Variants in RAG1 observed in about 807,000 individuals in gnomAD.
RAG1 encodes recombination activating 1.
Under a neutral mutation model 62.7 loss-of-function variants are expected in RAG1, and 35 were observed. The ratio of observed to expected loss-of-function variants is 0.56; its 90% CI spans 0.43 to 0.74. The LOEUF (loss-of-function observed/expected upper bound fraction) is 0.74. Ranked by LOEUF, RAG1 falls within the 30% of genes least tolerant of loss-of-function variation. The pLI is 0.00. For missense variants in RAG1, 1,169 were observed against 1,278.6 expected (o/e 0.91, Z 1.31); for synonymous variants, 461 against 470.3 (o/e 0.98, Z 0.26).
chr11:36,521,222 G>A (rs1860075178), intron 2 of RAG1, among the ~76,000 whole-genome samples: 1 of 152,082 alleles, frequency 6.6e-6, no homozygotes, highest in South Asian at 2.1e-4. Context: ...GCCTCCCAAA[G>A]TGCTGGGATT....
intron 2 of RAG1, among the ~76,000 whole-genome samples, chr11:36,522,255 C>T (rs914256963): frequency 2.6e-5 from 4 of 152,180 alleles, no homozygotes; most frequent in African/African-American, 7.2e-5. Flanking sequence ...TTTGTGGTCC[C>T]GGCCCAGGGC....
chr11:36,560,377 C>T (rs536182332), intron 3 of RAG1, among the ~76,000 whole-genome samples: 1 of 152,218 alleles, frequency 6.6e-6, no homozygotes, highest in Admixed American at 6.5e-5. Flanking sequence ...TCTTGGGGTG[C>T]AGGGCACTGT....
intron 3 of RAG1, among the ~76,000 whole-genome samples, chr11:36,558,135 A>T (rs992247444): frequency 6.6e-6 from 1 of 152,176 alleles, no homozygotes; most frequent in East Asian, 1.9e-4. Context: ...GTCAGAAAAG[A>T]TACTTGATAT....
intron 1 of RAG1, among the ~76,000 whole-genome samples, chr11:36,571,092 G>C (rs1458130724): frequency 2.6e-5 from 4 of 152,132 alleles, no homozygotes; most frequent in Non-Finnish European, 5.9e-5. Flanking sequence ...AATGTAGTTT[G>C]GTAGATTTTG....
intron 2 of RAG1, among the ~76,000 whole-genome samples, chr11:36,529,597 C>T (rs1211256977): frequency 6.6e-6 from 1 of 152,086 alleles, no homozygotes; most frequent in Non-Finnish European, 1.5e-5. Context: ...ACAAGGATGC[C>T]CTCTCTCGCC....
At chr11:36,536,544 T>C (rs78822368), downstream of RAG1, among the ~76,000 whole-genome samples, 15,271 of 152,154 alleles carry the variant, frequency 0.1, 832 homozygotes, top group Non-Finnish European at 0.11. Context: ...GTGTGGTAGT[T>C]CTATGGGTAT....
At chr11:36,533,687 C>G (rs908301073) in intron 2 of RAG1, among the ~76,000 whole-genome samples, 1 of 152,078 alleles carries the variant, frequency 6.6e-6, no homozygotes, top group African/African-American at 2.4e-5. Context: ...TTTCCCTTAT[C>G]TCCCTCTGTT....
chr11:36,573,448 AAAG>A lies in RAG1; in HGVS notation c.148_150del (p.Lys50del), dbSNP rs1286475782. On this transcript the variant is annotated inframe_deletion, in exon 2 of 2. Transcript: ENST00000299440. ...AGACACCTGAAGAAGCTCAAAAGGAAAAGAAGGATTCCTTTGAGGGGAAACCCT... is the reference window on the plus strand; with the variant it reads ...AGACACCTGAAGAAGCTCAAAAGGAAAAGGATTCCTTTGAGGGGAAACCCT... The A allele has an allele frequency of 4.3e-6, 7 of 1,614,188 alleles. No homozygotes were observed. Among genetic ancestry groups the A allele is most frequent in the South Asian group, 1.1e-5 (1 of 91,080 alleles).
At chr11:36,564,645 G>A (rs942995024), upstream of RAG1, among the ~76,000 whole-genome samples, 1 of 152,182 alleles carries the variant, frequency 6.6e-6, no homozygotes, top group Admixed American at 6.6e-5. Context: ...TGCAGCCGAC[G>A]TTTAGAGCAA....
At chr11:36,566,816 G>T (rs1020180942), upstream of RAG1, among the ~76,000 whole-genome samples, 3 of 152,176 alleles carry the variant, frequency 2.0e-5, no homozygotes, top group Non-Finnish European at 4.4e-5. Flanking sequence ...AGCAGCTGTG[G>T]CCCCAGGGCT....
intron 2 of RAG1, among the ~76,000 whole-genome samples, chr11:36,532,244 C>CTATGTGTTAATATTT (rs889808357): frequency 1.7e-4 from 26 of 152,078 alleles, no homozygotes; most frequent in African/African-American, 6.0e-4. Flanking sequence ...ACTAGAGATA[C>CTATGTGTTAATATTT]TATGTGTTAA....
At chr11:36,561,342 G>A (rs1188085461) in intron 3 of RAG1, among the ~76,000 whole-genome samples, 4 of 152,172 alleles carry the variant, frequency 2.6e-5, no homozygotes, top group Admixed American at 2.6e-4. Context: ...CTGAGGATGA[G>A]GTGAGGTCTT....
chr11:36,537,048 G>A (rs962752120), downstream of RAG1, among the ~76,000 whole-genome samples: 4 of 151,558 alleles, frequency 2.6e-5, no homozygotes, highest in Admixed American at 2.6e-4. Flanking sequence ...GTGAGCCACC[G>A]TGCCCGGCCA....
rs1850810383 is a variant in RAG1, at chr11:36,574,678, G to T, written c.1374G>T (p.Met458Ile). 1.2e-6 allele frequency: 2 copies of T among 1,614,254 alleles called. No individual in the cohort carries two copies. Among genetic ancestry groups the T allele is most frequent in the Non-Finnish European group, 1.7e-6 (2 of 1,180,044 alleles). Residue 458 changes from methionine to isoleucine, a missense_variant, in exon 2 of 2, where the codon ATG becomes ATT. By Grantham distance (10) the Met-to-Ile change is conservative (BLOSUM62 1). Around this residue, in one of 2 missense-constraint regions of RAG1, gnomAD observed 800 missense variants for 943.3 expected, o/e 0.85. Transcript: ENST00000299440. ...HRQADELEAI[M>I]QGKGSGLQPA... ...AAGCTGATGAGCTGGAGGCCATCAT[G>T]CAGGGAAAGGGCTCTGGCCTGCAGC...
At position 36,579,306 on chromosome 11, in the gene RAG1, G is replaced by A. The variant is rs1287741996; in HGVS notation, c.*2870G>A. ...ATTTGGATGCAGGTGGTTTTTGATT[G>A]CAAATATGTGTGTGTCTTCAGTGAT... On this transcript the variant is annotated 3_prime_UTR_variant, in exon 2 of 2. Transcript: ENST00000299440. 6.0e-6 allele frequency: 1 copy of A among 167,016 alleles called. No homozygotes were observed. Among genetic ancestry groups the A allele is most frequent in the Non-Finnish European group, 1.5e-5 (1 of 68,092 alleles). 10.3% of individuals were successfully genotyped at this position (167,016 alleles called of 1,614,324 possible).
intron 3 of RAG1, among the ~76,000 whole-genome samples, chr11:36,546,907 G>T (rs892139912): frequency 3.3e-5 from 5 of 152,076 alleles, no homozygotes; most frequent in Non-Finnish European, 7.4e-5. Flanking sequence ...GGCTTGCAGG[G>T]TTTCTGTGGA....
At chr11:36,562,336 G>C (rs371949881) in intron 3 of RAG1, among the ~76,000 whole-genome samples, 1 of 152,068 alleles carries the variant, frequency 6.6e-6, no homozygotes, top group East Asian at 1.9e-4. Context: ...TGTATTTAAC[G>C]GTGTGCAAAG....
chr11:36,513,981 G>A (rs1444936914), intron 1 of RAG1, among the ~76,000 whole-genome samples: 3 of 152,204 alleles, frequency 2.0e-5, no homozygotes, highest in Non-Finnish European at 4.4e-5. Flanking sequence ...ATGACGGAAT[G>A]TGCCTCCCTA....
In RAG1 at chr11:36,574,247, G is replaced by A. The variant is rs781659242; in HGVS notation, c.943G>A (p.Val315Ile). ...ETNCKHVFCR[V>I]CILRCLKVMG... ...CAACTGTAAGCATGTCTTTTGCCGG[G>A]TCTGCATTCTCAGATGCCTCAAAGT... Residue 315 changes from valine (V) to isoleucine (I), a missense_variant, in exon 2 of 2, where the codon GTC becomes ATC. By Grantham distance (29) the Val-to-Ile change is conservative. Transcript: ENST00000299440. 1.2e-6 allele frequency: 2 copies of A among 1,614,174 alleles called. No individual in the cohort carries two copies. The highest frequency in any genetic ancestry group is 1.3e-5 in the African/African-American group (1 of 75,036).
Sources: allele counts gnomAD v4.1 joint callset (sites outside exome capture counted in the v4.1 genomes callset), GRCh38; gene constraint gnomAD v4.1.1; regional missense constraint gnomAD v4.1.1; transcripts MANE v1.5; gene names NCBI Gene and HGNC (gene_info 2026-07-23, HGNC 2026-07-21).